UNC45A: variants seen among roughly 807,000 people sequenced by gnomAD.
UNC45A encodes the protein protein unc-45 homolog A.
A neutral mutation model predicts 103.2 loss-of-function variants in UNC45A; 78 were observed. The ratio of observed to expected loss-of-function variants is 0.76; its 90% confidence interval spans 0.63 to 0.91. UNC45A has a LOEUF of 0.91. Ranked by LOEUF, UNC45A falls within the 40% of genes least tolerant of loss-of-function variation. The probability of loss-of-function intolerance (pLI) is 0.00; values close to 1 mark genes in which losing one functional copy is unlikely to be tolerated. For synonymous variants in UNC45A, 495 were observed against 504.6 expected (o/e 0.98, Z 0.25); for missense variants, 1,193 against 1,224.8 (o/e 0.97, Z 0.39).
At chr15:90,931,362 C>T (rs913032502), upstream of UNC45A, 37 of 1,554,356 alleles carry the variant, frequency 2.4e-5, no homozygotes, top group Non-Finnish European at 3.0e-5. Flanking sequence ...TCACCACCTG[C>T]GCTGCCCACT....
Position 90,946,970 on chromosome 15 carries a change from A to T in UNC45A, c.1500+56A>T. 2.6e-6 allele frequency: 4 copies of T among 1,558,848 alleles called. No homozygotes were observed. The South Asian group carries it at 4.9e-5, about 19-fold the overall frequency. ...GGCAGCCAGGCAGGGGTCCTGGTCC[A>T]GCCGGTGTTGCAGGGTGTGGCCCCA... On this transcript the variant is annotated intron_variant, in intron 10 of 19. Transcript: ENST00000418476.
At position 90,948,297 on chromosome 15, in the gene UNC45A, T is replaced by G; in HGVS notation, c.1737+14T>G. On this transcript the variant is annotated intron_variant, in intron 12 of 19. Transcript: ENST00000418476. ...CAGCTCAGCAGGGTAGCTCTGTGGT[T>G]CCTGCCGTCAGCCTGGGGACACTGT... 6.2e-7 allele frequency: 1 copy of G among 1,612,868 alleles called. No homozygotes were observed. The highest frequency in any genetic ancestry group is 8.5e-7 in the Non-Finnish European group (1 of 1,180,018).
Position 90,948,740 on chromosome 15 carries a change from G to T in UNC45A, c.1824G>T (p.Lys608Asn), listed in dbSNP as rs1320097418. ...NSYDYEEPDP[K>N]MVELAKYAKQ... ...ATGACTACGAGGAGCCCGACCCCAAGATGGTGGAGCTGGCCAAGTATGCCA... is the reference window on the plus strand; with the variant it reads ...ATGACTACGAGGAGCCCGACCCCAATATGGTGGAGCTGGCCAAGTATGCCA... Residue 608 changes from lysine (K) to asparagine (N), a missense_variant, in exon 13 of 20, where the codon AAG becomes AAT. Lys to Asn is a moderately conservative substitution (Grantham distance 94, BLOSUM62 0). Coordinates refer to ENST00000418476, the MANE Select transcript of UNC45A (RefSeq NM_018671.5). The T allele has an allele frequency of 3.1e-6, 5 of 1,613,830 alleles. No homozygotes were observed. Among genetic ancestry groups the T allele is most frequent in the Non-Finnish European group, 4.2e-6 (5 of 1,179,958 alleles).
intron 6 of UNC45A, among the ~76,000 whole-genome samples, chr15:90,941,783 C>T (rs1053980703): frequency 1.3e-5 from 2 of 152,026 alleles, no homozygotes; most frequent in Admixed American, 1.3e-4. Flanking sequence ...CACGGTGAAA[C>T]CCCGTCTCTA....
At chr15:90,949,165 C>T (rs1028049348) in intron 13 of UNC45A, 151 bp from the exon 14 acceptor site, 24 of 1,129,916 alleles carry the variant, frequency 2.1e-5, no homozygotes, top group Middle Eastern at 4.2e-4. Flanking sequence ...TGTGAGCCAC[C>T]GTGCCCAGCC....
intron 8 of UNC45A, among the ~76,000 whole-genome samples, 195 bp from the exon 9 acceptor site, chr15:90,944,697 T>C (rs1317037355): frequency 1.3e-5 from 2 of 152,224 alleles, no homozygotes; most frequent in Non-Finnish European, 2.9e-5. Flanking sequence ...ACTTCTGAGG[T>C]CCTTCCCGAT....
At chr15:90,936,521 G>T in intron 4 of UNC45A, 61 bp downstream of exon 4, 2 of 1,563,828 alleles carry the variant, frequency 1.3e-6, no homozygotes, top group East Asian at 2.3e-5. Context: ...CTGGGCCAGG[G>T]GTGTAGACAC....
intron 4 of UNC45A, among the ~76,000 whole-genome samples, chr15:90,937,491 T>C (rs996118665): frequency 1.4e-5 from 2 of 144,492 alleles, no homozygotes; most frequent in South Asian, 2.1e-4. Flanking sequence ...AAAATAATTG[T>C]TTTTTTTTTT....
At chr15:90,943,149 G>A (rs2036380332) in intron 8 of UNC45A, 67 bp downstream of exon 8, 10 of 1,518,928 alleles carry the variant, frequency 6.6e-6, no homozygotes, top group Non-Finnish European at 6.2e-6. Flanking sequence ...GGAGTAATAA[G>A]AAAAGTTGTG....
chr15:90,932,744 G>T (rs1481875802), upstream of UNC45A: 15 of 395,632 alleles, frequency 3.8e-5, 1 homozygote, highest in Non-Finnish European at 6.2e-5. Context: ...GCAGCCCCCA[G>T]CTCAGTGTGC....
intron 4 of UNC45A, among the ~76,000 whole-genome samples, chr15:90,939,040 C>T (rs1044936897): frequency 4.6e-5 from 7 of 151,354 alleles, no homozygotes; most frequent in Non-Finnish European, 8.8e-5. Context: ...AGTGCAGTGG[C>T]GTGATCTCGG....
chr15:90,939,449 C>T (rs1212634500), intron 4 of UNC45A, among the ~76,000 whole-genome samples: 1 of 152,202 alleles, frequency 6.6e-6, no homozygotes, highest in East Asian at 1.9e-4. Flanking sequence ...GAGTGGGTTG[C>T]CTCGTAGCTG....
rs778614600 is a variant in UNC45A, at chr15:90,936,375, A to G, written c.341A>G (p.Asp114Gly). 6 of 1,614,096 alleles carry G rather than the reference A, an allele frequency of 3.7e-6. No homozygotes were observed. Among genetic ancestry groups the G allele is most frequent in the Non-Finnish European group, 4.2e-6 (5 of 1,180,042 alleles). ...KLGRLDQAVL[D>G]LQRCVSLEPK... ...GGCCGCCTGGACCAGGCTGTCCTTG[A>G]CCTGCAGAGATGTGTGAGCTTGGAG... Residue 114 changes from aspartate to glycine, a missense_variant, in exon 4 of 20, where the codon GAC (aspartate) becomes GGC (glycine). Asp to Gly is a moderately conservative substitution (Grantham distance 94, BLOSUM62 -1). Transcript: ENST00000418476.
In UNC45A at chr15:90,935,316, C is replaced by G; in HGVS notation, c.-9C>G. On this transcript the variant is annotated 5_prime_UTR_variant, in exon 1 of 20. Coordinates refer to ENST00000418476, the MANE Select transcript of UNC45A (RefSeq NM_018671.5). The stretch of plus-strand genomic sequence containing the variant: ...TGCGCCTGCGCGGGCACGAGACAAC[C>G]TCTCCGCGATGACTGTGAGTGGTCC... The G allele has an allele frequency of 1.2e-6, 2 of 1,602,740 alleles. No homozygotes were observed.
rs2037078679 is a variant in UNC45A at position 90,953,948 on chromosome 15, A to G, written c.*232A>G. On this transcript the variant is annotated 3_prime_UTR_variant, in exon 20 of 20. Transcript: ENST00000418476. ...CTCAGAGGGGCCCTTTTTCTGTACTACTGTAGTCAGCTGGGAATGGGGAAG... is the reference window on the plus strand; with the variant it reads ...CTCAGAGGGGCCCTTTTTCTGTACTGCTGTAGTCAGCTGGGAATGGGGAAG... The G allele has an allele frequency of 1.7e-6, 1 of 592,606 alleles. No homozygotes were observed. Among genetic ancestry groups the G allele is most frequent in the Non-Finnish European group, 2.9e-6 (1 of 339,816 alleles). The allele number at this position is 592,606 out of a possible 1,614,324, so 36.7% of individuals were successfully genotyped here.
upstream of UNC45A, chr15:90,931,985 G>A: frequency 1.7e-5 from 28 of 1,613,904 alleles, no homozygotes; most frequent in Non-Finnish European, 2.4e-5. Flanking sequence ...TGTCAGCCAA[G>A]GGTTGCCCAT....
In UNC45A at chr15:90,942,910, A is replaced by G. The variant is rs900417108; in HGVS notation, c.857-2A>G. ...CCACTGATGTCTTCTTGTTGTTGCC[A>G]GATCCTGCCCGGGAGCTGAAGGTCC... On this transcript the variant is annotated splice_acceptor_variant, in intron 7 of 19. Transcript: ENST00000418476. LOFTEE classifies it high-confidence loss of function. 16 of 1,601,938 alleles carry G rather than the reference A, an allele frequency of 1.0e-5. No individual in the cohort carries two copies. Among genetic ancestry groups the G allele is most frequent in the Non-Finnish European group, 1.4e-5 (16 of 1,171,900 alleles).
chr15:90,949,549 G>A lies in UNC45A; in HGVS notation c.2007-105G>A, dbSNP rs529882118. The A allele has an allele frequency of 3.8e-5, 61 of 1,598,796 alleles. No homozygotes were observed. The African/African-American group carries it at 5.9e-4, about 15-fold the overall frequency. ...TCCAGTGCTGTGGGCCTCTTAGAGC[G>A]ACGGGGGCTGCCTGCGTGGCTGCCG... On this transcript the variant is annotated intron_variant, in intron 14 of 19. Coordinates refer to ENST00000418476, the MANE Select transcript of UNC45A (RefSeq NM_018671.5).
chr15:90,944,198 G>A (rs1180684177), intron 8 of UNC45A, among the ~76,000 whole-genome samples: 3 of 151,592 alleles, frequency 2.0e-5, no homozygotes, highest in Admixed American at 6.6e-5. Flanking sequence ...CAGCCTGGCC[G>A]ACATGGTGAA....
Sources: allele counts gnomAD v4.1 joint callset (sites outside exome capture counted in the v4.1 genomes callset), GRCh38; gene constraint gnomAD v4.1.1; transcripts MANE v1.5; gene names NCBI Gene and HGNC (gene_info 2026-07-23, HGNC 2026-07-21).